The following PPP1R16B variants were observed in gnomAD, a reference collection of about 807,000 sequenced individuals.
PPP1R16B encodes protein phosphatase 1 regulatory subunit 16B.
PPP1R16B carries 14 observed loss-of-function variants against 61.7 expected under a neutral mutation model. The ratio of observed to expected loss-of-function variants is 0.23; its 90% confidence interval spans 0.15 to 0.35. PPP1R16B has a LOEUF of 0.35. Ranked by LOEUF, PPP1R16B falls within the 10% of genes least tolerant of loss-of-function variation. The probability of loss-of-function intolerance (pLI) is 1.00; values close to 1 mark genes in which losing one functional copy is unlikely to be tolerated. For synonymous variants in PPP1R16B, 266 were observed against 305.3 expected, an observed-to-expected ratio of 0.87 and a Z score of 1.34; for missense variants, 547 against 752.5, an observed-to-expected ratio of 0.73 and a Z score of 3.19.
intron 2 of PPP1R16B, among the ~76,000 whole-genome samples, chr20:38,854,059 C>A (rs1381128366): frequency 6.6e-6 from 1 of 152,170 alleles, no homozygotes; most frequent in East Asian, 1.9e-4. Flanking sequence ...ACCACACATT[C>A]TAGACTTTGC....
At chr20:38,883,037 C>A in intron 2 of PPP1R16B, among the ~76,000 whole-genome samples, 1 of 152,122 alleles carries the variant, frequency 6.6e-6, no homozygotes, top group East Asian at 1.9e-4. Context: ...GCCTTGGAGG[C>A]AGTGGGAGGA....
chr20:38,884,011 TTGTGGGCAAGAAGCTGCCCTGAG>T (rs1208847181), intron 2 of PPP1R16B, among the ~76,000 whole-genome samples: 4 of 152,112 alleles, frequency 2.6e-5, no homozygotes, highest in African/African-American at 7.2e-5. Flanking sequence ...ACTTGGGGCT[TTGTGGGCAAGAAGCTGCCCTGAG>T]TGTGGGCAAC....
chr20:38,861,302 A>T (rs557227038), intron 2 of PPP1R16B, among the ~76,000 whole-genome samples: 93 of 152,316 alleles, frequency 6.1e-4, no homozygotes, highest in African/African-American at 2.2e-3. Flanking sequence ...CCAAAGCCCA[A>T]CTTGGTATTT....
Position 38,906,744 on chromosome 20 carries a change from G to A in PPP1R16B, c.823-235G>A, listed in dbSNP as rs537564608. Among the ~76,000 whole-genome samples, 10 of 152,274 alleles carry A rather than the reference G, an allele frequency of 6.6e-5. 1 individual carries two copies. Among genetic ancestry groups the A allele is most frequent in the African/African-American group, 2.4e-4 (10 of 41,550 alleles). ...GATACCTGCCAGCTCTAGAGTTACA[G>A]CCAACTCTTTCTTCTCCTTCTTCTT... On this transcript the variant is annotated intron_variant, in intron 7 of 10. Transcript: ENST00000299824.
intron 2 of PPP1R16B, among the ~76,000 whole-genome samples, chr20:38,849,867 C>A (rs888596933): frequency 2.0e-5 from 3 of 152,120 alleles, no homozygotes; most frequent in African/African-American, 7.2e-5. Flanking sequence ...ACATTGAGGT[C>A]AAGCGCTGCA....
At chr20:38,848,296 G>C (rs1464880378) in intron 2 of PPP1R16B, among the ~76,000 whole-genome samples, 1 of 152,024 alleles carries the variant, frequency 6.6e-6, no homozygotes, top group East Asian at 1.9e-4. Context: ...TTTTAGTATA[G>C]AGTACTAAAT....
chr20:38,899,517 G>A (rs547207344), intron 4 of PPP1R16B, among the ~76,000 whole-genome samples: 2 of 152,322 alleles, frequency 1.3e-5, no homozygotes, highest in South Asian at 4.1e-4. Context: ...AGGTAATTCT[G>A]CCACATGGCA....
chr20:38,880,918 C>T (rs567135354), intron 2 of PPP1R16B, among the ~76,000 whole-genome samples: 111 of 152,300 alleles, frequency 7.3e-4, no homozygotes, highest in Non-Finnish European at 1.0e-3. Context: ...TGCCATCTTA[C>T]GTTCCCACCA....
At chr20:38,882,673 G>A (rs2145753755) in intron 2 of PPP1R16B, among the ~76,000 whole-genome samples, 1 of 152,284 alleles carries the variant, frequency 6.6e-6, no homozygotes, top group South Asian at 2.1e-4. Flanking sequence ...TAGCTCCATG[G>A]GTAACAAAGT....
At chr20:38,862,633 C>T (rs971971817) in intron 2 of PPP1R16B, among the ~76,000 whole-genome samples, 1 of 152,176 alleles carries the variant, frequency 6.6e-6, no homozygotes, top group Non-Finnish European at 1.5e-5. Flanking sequence ...CCTCATCATC[C>T]CGAGAAACCC....
intron 2 of PPP1R16B, among the ~76,000 whole-genome samples, chr20:38,877,154 T>C (rs749329958): frequency 3.3e-5 from 5 of 152,204 alleles, no homozygotes; most frequent in Non-Finnish European, 7.3e-5. Flanking sequence ...GGCATTTGGG[T>C]TGCTTCCAGG....
chr20:38,908,155 A>G lies in PPP1R16B; in HGVS notation c.1156A>G (p.Ile386Val). 1 of 1,614,256 alleles carries G rather than the reference A, an allele frequency of 6.2e-7. No individual in the cohort carries two copies. Among genetic ancestry groups the G allele is most frequent in the Non-Finnish European group, 8.5e-7 (1 of 1,180,042 alleles). Reference protein sequence around the residue: ...DQRTSTYNGDIRETRTDQENK... With the variant: ...DQRTSTYNGDVRETRTDQENK... ...GCGGACCTCCACCTACAACGGGGAC[A>G]TCAGGGAGACCAGGACAGACCAAGA... is the stretch of plus-strand genomic sequence containing the variant. Residue 386 changes from isoleucine (I) to valine (V), a missense_variant, in exon 10 of 11, where the codon ATC becomes GTC. Coordinates refer to ENST00000299824, the MANE Select transcript of PPP1R16B (RefSeq NM_015568.4).
chr20:38,831,468 C>A (rs1010152490), intron 1 of PPP1R16B, among the ~76,000 whole-genome samples: 3 of 152,226 alleles, frequency 2.0e-5, no homozygotes, highest in African/African-American at 7.2e-5. Context: ...GAGTGGAGCT[C>A]TGGTTATTTG....
chr20:38,808,840 C>T (rs1170474579), intron 1 of PPP1R16B, among the ~76,000 whole-genome samples: 1 of 152,060 alleles, frequency 6.6e-6, no homozygotes, highest in Non-Finnish European at 1.5e-5. Flanking sequence ...TCGAGACCAG[C>T]TGGCCAACAT....
rs975955556 is a variant in PPP1R16B at position 38,835,897 on chromosome 20, C to T, written c.-29C>T. The stretch of plus-strand genomic sequence containing the variant: ...GCCCCCGGTGCACCGTGCTAGCCCC[C>T]AGCCAGGGCGTTGGGGAGGGCGGTG... On this transcript the variant is annotated 5_prime_UTR_variant, in exon 2 of 11. Transcript: ENST00000299824. 2.6e-6 allele frequency: 4 copies of T among 1,517,726 alleles called. No individual in the cohort carries two copies. The highest frequency in any genetic ancestry group is 3.5e-6 in the Non-Finnish European group (4 of 1,135,212). The allele number at this position is 1,517,726 out of a possible 1,614,324, so 94.0% of individuals were successfully genotyped here. A position where few individuals can be genotyped will look rare whatever the true frequency, so the allele number is the denominator to read the frequency against.
At chr20:38,859,629 C>A (rs1472467655) in intron 2 of PPP1R16B, among the ~76,000 whole-genome samples, 5 of 152,102 alleles carry the variant, frequency 3.3e-5, no homozygotes, top group Non-Finnish European at 1.5e-5. Context: ...GTAGCTAGGA[C>A]TACAGGCACA....
rs1386391069 is a variant in PPP1R16B at position 38,835,976 on chromosome 20, G to T, written c.51G>T (p.Val17=). The part of the protein sequence containing the change: ...LLTELQLLEK[V]PTLERLRAAQ... ...CGGAGCTGCAGCTGCTGGAGAAGGT[G>T]CCCACGCTGGAGCGGCTGCGGGCTG... The change falls in exon 2 of 11, where the codon GTG becomes GTT. Residue 17 remains valine (V), a synonymous_variant. Coordinates refer to ENST00000299824, the MANE Select transcript of PPP1R16B (RefSeq NM_015568.4). The T allele has an allele frequency of 1.3e-6, 2 of 1,551,112 alleles. No homozygotes were observed. Among genetic ancestry groups the T allele is most frequent in the African/African-American group, 2.7e-5 (2 of 73,360 alleles).
intron 1 of PPP1R16B, among the ~76,000 whole-genome samples, chr20:38,810,427 G>A (rs2084693057): frequency 6.6e-6 from 1 of 152,206 alleles, no homozygotes; most frequent in Non-Finnish European, 1.5e-5. Flanking sequence ...GGAAACTTCA[G>A]GATTAACTTT....
At chr20:38,864,734 T>C (rs764286158) in intron 2 of PPP1R16B, among the ~76,000 whole-genome samples, 1 of 152,166 alleles carries the variant, frequency 6.6e-6, no homozygotes, top group Non-Finnish European at 1.5e-5. Flanking sequence ...CAGAGGGATC[T>C]GCCAGGACTT....
Sources: allele counts gnomAD v4.1 joint callset (sites outside exome capture counted in the v4.1 genomes callset), GRCh38; gene constraint gnomAD v4.1.1; transcripts MANE v1.5; gene names NCBI Gene and HGNC (gene_info 2026-07-23, HGNC 2026-07-21).